The following GABBR2 variants were observed in gnomAD, a reference collection of about 807,000 sequenced individuals.
GABBR2 encodes gamma-aminobutyric acid type B receptor subunit 2, also known as G-protein coupled receptor 51.
A neutral mutation model predicts 105.6 loss-of-function variants in GABBR2; 23 were observed. That is an observed-to-expected ratio of 0.22 (90% CI 0.16 to 0.31). GABBR2 has a LOEUF of 0.31. Ranked by LOEUF, GABBR2 falls within the 10% of genes least tolerant of loss-of-function variation. The pLI, the probability that GABBR2 is intolerant of heterozygous loss-of-function variation, is 1.00. For synonymous variants in GABBR2, 478 were observed against 499.7 expected (o/e 0.96, Z 0.58); for missense variants, 734 against 1,245.5 (o/e 0.59, Z 6.18).
At chr9:98,298,787 A>T (rs1440607251) in intron 17 of GABBR2, among the ~76,000 whole-genome samples, 1 of 152,186 alleles carries the variant, frequency 6.6e-6, no homozygotes, top group Non-Finnish European at 1.5e-5. Flanking sequence ...TGCAATTCCC[A>T]AGTGGGTGGT....
chr9:98,473,049 A>G, intron 6 of GABBR2, 97 bp downstream of exon 6: 1 of 887,050 alleles, frequency 1.1e-6, no homozygotes, highest in Non-Finnish European at 1.8e-6. Context: ...GCTCAAAGTG[A>G]CACAGGACAA....
intron 11 of GABBR2, among the ~76,000 whole-genome samples, chr9:98,379,020 T>C (rs1046492769): frequency 7.9e-5 from 12 of 152,208 alleles, no homozygotes; most frequent in Admixed American, 4.6e-4. Flanking sequence ...TTAGGCCAGA[T>C]TCCAACCACT....
intron 3 of GABBR2, among the ~76,000 whole-genome samples, chr9:98,534,207 C>A (rs1297853542): frequency 6.6e-6 from 1 of 152,220 alleles, no homozygotes; most frequent in South Asian, 2.1e-4. Context: ...ACCTTTTGGT[C>A]TCGGGCAGAT....
chr9:98,510,486 A>G (rs201534649), intron 3 of GABBR2, among the ~76,000 whole-genome samples: 7,273 of 152,246 alleles, frequency 0.048, 261 homozygotes, highest in South Asian at 0.13. Flanking sequence ...AAATTGGATA[A>G]AGAGTCAAGA....
intron 1 of GABBR2, among the ~76,000 whole-genome samples, chr9:98,625,609 TACAAACTGG>T (rs2131824755): frequency 6.6e-6 from 1 of 152,240 alleles, no homozygotes; most frequent in African/African-American, 2.4e-5. Context: ...GACCGTCCCC[TACAAACTGG>T]AAGACTCTAC....
At chr9:98,563,352 A>G (rs1320438738) in intron 2 of GABBR2, among the ~76,000 whole-genome samples, 1 of 152,190 alleles carries the variant, frequency 6.6e-6, no homozygotes, top group Non-Finnish European at 1.5e-5. Context: ...AACAGTAACT[A>G]TCAGGCAAGA....
chr9:98,563,208 A>G (rs1250306240), intron 2 of GABBR2, among the ~76,000 whole-genome samples: 1 of 152,186 alleles, frequency 6.6e-6, no homozygotes, highest in Non-Finnish European at 1.5e-5. Flanking sequence ...TACATTAAAG[A>G]GAAAGATTGA....
intron 12 of GABBR2, among the ~76,000 whole-genome samples, chr9:98,365,949 C>T (rs988891639): frequency 7.9e-5 from 12 of 152,284 alleles, no homozygotes; most frequent in African/African-American, 2.6e-4. Flanking sequence ...CTCTGGGTTA[C>T]GTCAGTACTC....
intron 18 of GABBR2, among the ~76,000 whole-genome samples, chr9:98,292,789 G>A (rs1177434132): frequency 1.3e-5 from 2 of 152,208 alleles, no homozygotes; most frequent in Admixed American, 1.3e-4. Context: ...TTAGGATCCT[G>A]TTCACCTTTC....
At chr9:98,611,553 G>T (rs1394858905) in intron 1 of GABBR2, among the ~76,000 whole-genome samples, 1 of 152,196 alleles carries the variant, frequency 6.6e-6, no homozygotes, top group African/African-American at 2.4e-5. Flanking sequence ...GTAAACCCAA[G>T]CCATAGGCTA....
At chr9:98,406,297 C>G (rs1186847988) in intron 7 of GABBR2, among the ~76,000 whole-genome samples, 156 bp from the exon 8 acceptor site, 2 of 152,240 alleles carry the variant, frequency 1.3e-5, no homozygotes, top group Non-Finnish European at 2.9e-5. Context: ...GAAAATCAAA[C>G]TAATTGTTTT....
chr9:98,529,352 A>AGGAGTCACGGTGAC (rs1003022754), intron 3 of GABBR2, among the ~76,000 whole-genome samples: 5 of 152,388 alleles, frequency 3.3e-5, no homozygotes, highest in East Asian at 1.9e-4. Flanking sequence ...TGTAGCCATT[A>AGGAGTCACGGTGAC]GGAGTCACGG....
intron 1 of GABBR2, among the ~76,000 whole-genome samples, chr9:98,684,551 T>C (rs1168224015): frequency 6.6e-6 from 1 of 152,214 alleles, no homozygotes; most frequent in Non-Finnish European, 1.5e-5. Flanking sequence ...ACGGATTCCA[T>C]TGGCATGATA....
intron 5 of GABBR2, among the ~76,000 whole-genome samples, chr9:98,480,003 C>T (rs1826881783): frequency 6.6e-6 from 1 of 152,202 alleles, no homozygotes; most frequent in Admixed American, 6.5e-5. Context: ...GTTCTTTGCA[C>T]TCAAACTCTG....
intron 1 of GABBR2, among the ~76,000 whole-genome samples, chr9:98,601,533 A>G (rs903893610): frequency 2.6e-5 from 4 of 152,240 alleles, no homozygotes; most frequent in Non-Finnish European, 5.9e-5. Context: ...AAAGAAAATA[A>G]TAAATGAAAT....
At chr9:98,386,593 C>A (rs1212419992) in intron 10 of GABBR2, among the ~76,000 whole-genome samples, 1 of 152,148 alleles carries the variant, frequency 6.6e-6, no homozygotes, top group Non-Finnish European at 1.5e-5. Context: ...CTGTGGTGGC[C>A]TCCAGCTGCC....
At chr9:98,339,174 C>T (rs750596671) in intron 13 of GABBR2, among the ~76,000 whole-genome samples, 19 of 150,748 alleles carry the variant, frequency 1.3e-4, no homozygotes, top group Non-Finnish European at 2.7e-4. Flanking sequence ...GGGGTGACAA[C>T]GTTTTTCTCA....
intron 15 of GABBR2, 75 bp from the exon 16 acceptor site, chr9:98,303,498 T>G: frequency 7.8e-7 from 1 of 1,282,160 alleles, no homozygotes; most frequent in Non-Finnish European, 1.1e-6. Context: ...TGGCAGACTC[T>G]CCCAGCAGAT....
intron 1 of GABBR2, among the ~76,000 whole-genome samples, chr9:98,652,244 G>C (rs1462135864): frequency 6.6e-6 from 1 of 152,084 alleles, no homozygotes; most frequent in Non-Finnish European, 1.5e-5. Flanking sequence ...TTGAATTCCA[G>C]TCTCAAGACC....
Sources: allele counts gnomAD v4.1 joint callset (sites outside exome capture counted in the v4.1 genomes callset), GRCh38; gene constraint gnomAD v4.1.1; transcripts MANE v1.5; gene names NCBI Gene and HGNC (gene_info 2026-07-23, HGNC 2026-07-21).